Variants in PRKCQ observed in about 807,000 individuals in gnomAD.
PRKCQ encodes protein kinase C theta, also known as protein kinase C theta type.
A neutral mutation model predicts 91.2 loss-of-function variants in PRKCQ; 41 were observed. The ratio of observed to expected loss-of-function variants is 0.45; its 90% CI spans 0.35 to 0.58. PRKCQ has a LOEUF of 0.58. Among genes scored for constraint, PRKCQ ranks in the 20% least tolerant of loss-of-function variants. PRKCQ has a pLI of 0.00. For synonymous variants in PRKCQ, 307 were observed against 316.9 expected, an observed-to-expected ratio of 0.97 and a Z score of 0.33; for missense variants, 673 against 896.5, an observed-to-expected ratio of 0.75 and a Z score of 3.18.
At chr10:6,431,557 T>C (rs1240308303) in intron 16 of PRKCQ, among the ~76,000 whole-genome samples, 2 of 152,098 alleles carry the variant, frequency 1.3e-5, no homozygotes, top group Non-Finnish European at 1.5e-5. Flanking sequence ...CAGGAACACA[T>C]GCACACACAC....
At chr10:6,456,899 C>A in intron 14 of PRKCQ, 87 bp from the exon 15 acceptor site, 1 of 1,423,514 alleles carries the variant, frequency 7.0e-7, no homozygotes, top group African/African-American at 1.4e-5. Context: ...GAGTTTGTCT[C>A]ATTGCAGCCT....
At chr10:6,510,666 T>C (rs1411177881) in intron 3 of PRKCQ, among the ~76,000 whole-genome samples, 2 of 152,210 alleles carry the variant, frequency 1.3e-5, no homozygotes, top group African/African-American at 4.8e-5. Flanking sequence ...AACTGACAAC[T>C]GGATTGATAG....
intron 4 of PRKCQ, among the ~76,000 whole-genome samples, chr10:6,504,984 C>A (rs975474969): frequency 2.6e-5 from 4 of 151,582 alleles, no homozygotes; most frequent in African/African-American, 9.7e-5. Flanking sequence ...AGCTCCGCCT[C>A]CCGGGTTCAT....
At position 6,428,080 on chromosome 10, in the gene PRKCQ, C is replaced by G. The variant is rs1292472039; in HGVS notation, c.*127G>C. ...CAGATAAAAGTCACATGGGGGCGAA[C>G]GGGTCTCAGTCTTTATTGTTGAGTG... On this transcript the variant is annotated 3_prime_UTR_variant, in exon 18 of 18. Transcript: ENST00000263125. The G allele has an allele frequency of 2.5e-6, 3 of 1,210,626 alleles. No individual in the cohort carries two copies. Among genetic ancestry groups the G allele is most frequent in the Non-Finnish European group, 3.5e-6 (3 of 854,244 alleles). 75.0% of individuals were successfully genotyped at this position (1,210,626 alleles called of 1,614,324 possible).
At chr10:6,560,332 G>A (rs185305447) in intron 1 of PRKCQ, among the ~76,000 whole-genome samples, 4 of 152,150 alleles carry the variant, frequency 2.6e-5, no homozygotes, top group Non-Finnish European at 4.4e-5. Context: ...GAGGAGCGGC[G>A]TGCTACAGGC....
At chr10:6,466,064 C>T (rs1031701802) in intron 12 of PRKCQ, among the ~76,000 whole-genome samples, 1 of 152,200 alleles carries the variant, frequency 6.6e-6, no homozygotes, top group Non-Finnish European at 1.5e-5. Flanking sequence ...TGGCCCTATA[C>T]AAGCCACAAA....
intron 12 of PRKCQ, among the ~76,000 whole-genome samples, chr10:6,478,346 T>C (rs1032653475): frequency 3.9e-5 from 6 of 152,214 alleles, no homozygotes; most frequent in African/African-American, 1.4e-4. Flanking sequence ...TTTGAGTTTA[T>C]AAAAATTTTC....
intron 1 of PRKCQ, among the ~76,000 whole-genome samples, chr10:6,577,407 G>A (rs1291791842): frequency 6.6e-6 from 1 of 152,208 alleles, no homozygotes; most frequent in Non-Finnish European, 1.5e-5. Flanking sequence ...GAATAGGTAT[G>A]AAAAAGCTGA....
chr10:6,549,821 G>T (rs1453403605), intron 1 of PRKCQ, among the ~76,000 whole-genome samples: 1 of 151,804 alleles, frequency 6.6e-6, no homozygotes, highest in Non-Finnish European at 1.5e-5. Context: ...AGTAGAGACA[G>T]CGCTCTCCCC....
chr10:6,410,009 T>C, the PRKCQ span, among the ~76,000 whole-genome samples: 1 of 152,208 alleles, frequency 6.6e-6, no homozygotes, highest in African/African-American at 2.4e-5. Flanking sequence ...TGGAAGAAGA[T>C]TGGCAGAAGC....
intron 1 of PRKCQ, among the ~76,000 whole-genome samples, chr10:6,544,361 C>T (rs760147418): frequency 6.6e-6 from 1 of 152,192 alleles, no homozygotes; most frequent in African/African-American, 2.4e-5. Context: ...CCTGGTCACA[C>T]TGTCAACTGA....
At chr10:6,408,928 T>G in the PRKCQ span, among the ~76,000 whole-genome samples, 3 of 152,212 alleles carry the variant, frequency 2.0e-5, no homozygotes, top group Non-Finnish European at 4.4e-5. Flanking sequence ...ATGTTCAGAT[T>G]CAGTTTTACT....
At chr10:6,543,999 A>AT (rs1473477494) in intron 1 of PRKCQ, among the ~76,000 whole-genome samples, 5 of 152,124 alleles carry the variant, frequency 3.3e-5, no homozygotes, top group Non-Finnish European at 7.4e-5. Flanking sequence ...GATGGTTTGC[A>AT]TATTTCTTCC....
At chr10:6,466,929 A>G (rs1291244589) in intron 12 of PRKCQ, among the ~76,000 whole-genome samples, 2 of 152,302 alleles carry the variant, frequency 1.3e-5, no homozygotes, top group African/African-American at 4.8e-5. Flanking sequence ...CCCTCTATTT[A>G]TAACTCTGGA....
At chr10:6,509,485 T>G (rs1037591125) in intron 3 of PRKCQ, among the ~76,000 whole-genome samples, 8 of 152,250 alleles carry the variant, frequency 5.3e-5, no homozygotes, top group Non-Finnish European at 1.5e-5. Context: ...TTAGGCTCAC[T>G]GCAACCTCCG....
chr10:6,486,290 T>G (rs1836917339), intron 8 of PRKCQ, 146 bp from the exon 9 acceptor site: 1 of 686,396 alleles, frequency 1.5e-6, no homozygotes, highest in Non-Finnish European at 2.6e-6. Context: ...TGGCTCTCCC[T>G]GGTAGTGATC....
chr10:6,399,351 T>A, the PRKCQ span, among the ~76,000 whole-genome samples: 1 of 152,260 alleles, frequency 6.6e-6, no homozygotes, highest in Non-Finnish European at 1.5e-5. Flanking sequence ...GCTCAATTCC[T>A]TTCTGCAGTG....
intron 1 of PRKCQ, among the ~76,000 whole-genome samples, chr10:6,562,111 AAGAG>A (rs1330020575): frequency 6.6e-6 from 1 of 152,172 alleles, no homozygotes; most frequent in East Asian, 1.9e-4. Flanking sequence ...CCGGAAAGGA[AAGAG>A]AGAGGGATTG....
rs1834863037 is a variant in PRKCQ at position 6,453,972 on chromosome 10, A to T, written c.1647+2702T>A. Among the ~76,000 whole-genome samples the T allele has an allele frequency of 5.3e-5, 8 of 152,038 alleles. No homozygotes were observed. In the South Asian group the frequency reaches 1.7e-3, roughly 32 times the overall value. ...GCATTAGGAGATATACCTAATGCTAAATGACGAGTTAATGGGTGCAGCACA... is the reference window on the plus strand; with the variant it reads ...GCATTAGGAGATATACCTAATGCTATATGACGAGTTAATGGGTGCAGCACA... On this transcript the variant is annotated intron_variant, in intron 15 of 17. Coordinates refer to ENST00000263125, the MANE Select transcript of PRKCQ (RefSeq NM_006257.5).
Sources: gnomAD v4.1 joint callset for allele counts (sites outside exome capture counted in the v4.1 genomes callset) on GRCh38, gnomAD v4.1.1 for gene constraint, MANE v1.5 for transcripts, NCBI Gene and HGNC (gene_info 2026-07-23, HGNC 2026-07-21) for gene names.